The following GAD2 variants were observed in gnomAD, a reference collection of about 807,000 sequenced individuals.
GAD2 encodes 65 kDa glutamic acid decarboxylase.
Under a neutral mutation model 80.1 loss-of-function variants are expected in GAD2, and 22 were observed. That is an observed-to-expected ratio of 0.27 (90% CI 0.20 to 0.39). GAD2 has a LOEUF of 0.39. GAD2 is among the 10% of genes least tolerant of loss of function. The probability of loss-of-function intolerance (pLI) is 1.00; values close to 1 mark genes in which losing one functional copy is unlikely to be tolerated. For synonymous variants in GAD2, 274 were observed against 256.9 expected (o/e 1.07, Z -0.64); for missense variants, 624 against 738.4 (o/e 0.85, Z 1.80).
chr10:26,260,245 A>G (rs1844993581), intron 8 of GAD2, among the ~76,000 whole-genome samples: 2 of 152,364 alleles, frequency 1.3e-5, no homozygotes, highest in South Asian at 4.1e-4. Context: ...GTTGTTAAAC[A>G]TTAAGTTGCT....
chr10:26,224,803 T>C (rs1399285532), intron 6 of GAD2, 152 bp downstream of exon 6: 2 of 611,156 alleles, frequency 3.3e-6, no homozygotes, highest in South Asian at 4.1e-5. Flanking sequence ...TAAGTGCACA[T>C]GACCATTGAA....
intron 8 of GAD2, among the ~76,000 whole-genome samples, chr10:26,268,907 C>T (rs1006855475): frequency 1.1e-4 from 16 of 152,176 alleles, no homozygotes; most frequent in African/African-American, 2.2e-4. Flanking sequence ...CAACACAATA[C>T]GGTCACAAGT....
In GAD2 at chr10:26,224,695, G is replaced by A. The variant is rs562833196; in HGVS notation, c.724+44G>A. Reference sequence around the variant, plus strand: ...TTCTTTGTGTTTTTTCTTCTAATATGCAATGCCTTGTTGTAAACCTAGGGA... The same window carrying A: ...TTCTTTGTGTTTTTTCTTCTAATATACAATGCCTTGTTGTAAACCTAGGGA... On this transcript the variant is annotated intron_variant, in intron 6 of 15. Coordinates refer to ENST00000376261, the MANE Select transcript of GAD2 (RefSeq NM_001134366.2). 5.1e-6 allele frequency: 7 copies of A among 1,363,108 alleles called. No homozygotes were observed. The South Asian group carries it at 7.0e-5, about 14-fold the overall frequency. 84.4% of individuals were successfully genotyped at this position (1,363,108 alleles called of 1,614,324 possible).
chr10:26,247,613 C>T (rs1011266333), intron 8 of GAD2, among the ~76,000 whole-genome samples: 9 of 151,894 alleles, frequency 5.9e-5, no homozygotes, highest in Admixed American at 2.0e-4. Flanking sequence ...TCTAAAAATC[C>T]GGCTGGGGGC....
intron 15 of GAD2, among the ~76,000 whole-genome samples, chr10:26,298,561 G>A (rs1465688779): frequency 2.0e-5 from 3 of 152,194 alleles, no homozygotes; most frequent in Non-Finnish European, 2.9e-5. Context: ...AAAAGCTAGA[G>A]ATGATTGTCC....
At chr10:26,254,805 C>G (rs572905290) in intron 8 of GAD2, among the ~76,000 whole-genome samples, 5 of 152,188 alleles carry the variant, frequency 3.3e-5, no homozygotes, top group African/African-American at 1.2e-4. Flanking sequence ...AGCGGGCCGA[C>G]CAGATGCAGA....
chr10:26,292,476 G>A lies in GAD2; in HGVS notation c.1398G>A (p.Gly466=), dbSNP rs754314778. 6.2e-7 allele frequency: 1 copy of A among 1,613,816 alleles called. No homozygotes were observed. Among genetic ancestry groups the A allele is most frequent in the East Asian group, 2.2e-5 (1 of 44,860 alleles). ...CTTCTCTTACCTAGGGGACTACCGG[G>A]TTTGAAGCGCATGTTGATAAATGTT... ...WLMWRAKGTT[G]FEAHVDKCLE... Residue 466 remains glycine, a synonymous_variant, in exon 14 of 16, where the codon GGG becomes GGA. Transcript: ENST00000376261.
intron 10 of GAD2, among the ~76,000 whole-genome samples, chr10:26,271,283 G>A (rs533885260): frequency 5.9e-5 from 9 of 152,284 alleles, no homozygotes; most frequent in African/African-American, 2.2e-4. Flanking sequence ...AGCTTGGTCA[G>A]CTAAGAAGAT....
At chr10:26,291,900 G>A (rs1046063121) in intron 13 of GAD2, among the ~76,000 whole-genome samples, 7 of 152,144 alleles carry the variant, frequency 4.6e-5, no homozygotes, top group African/African-American at 1.7e-4. Flanking sequence ...GCCCCCAAAG[G>A]AGAACTGTAC....
chr10:26,256,829 C>T (rs2132295829), intron 8 of GAD2, among the ~76,000 whole-genome samples: 1 of 152,326 alleles, frequency 6.6e-6, no homozygotes, highest in South Asian at 2.1e-4. Flanking sequence ...TAATAAGTAT[C>T]TTGCAGGGGA....
At position 26,293,172 on chromosome 10, in the gene GAD2, C is replaced by CTTTTTTT. The variant is rs987030977; in HGVS notation, c.1584+198_1584+204dup. ...CCTGATATATGCAGACATTTTTCTT[C>CTTTTTTT]TTTTTTTTTTTTTTTTTTTTTTTGA... On this transcript the variant is annotated intron_variant, in intron 15 of 15. Coordinates refer to ENST00000376261, the MANE Select transcript of GAD2 (RefSeq NM_001134366.2). Among the ~76,000 whole-genome samples, 59 of 96,428 alleles carry CTTTTTTT rather than the reference C, an allele frequency of 6.1e-4. 1 individual carries two copies. The highest frequency in any genetic ancestry group is 1.9e-3 in the African/African-American group (45 of 23,832). 63.3% of individuals were successfully genotyped at this position (96,428 alleles called of 152,430 possible).
At chr10:26,287,657 G>A (rs2132316796) in intron 13 of GAD2, among the ~76,000 whole-genome samples, 1 of 152,286 alleles carries the variant, frequency 6.6e-6, no homozygotes, top group Non-Finnish European at 1.5e-5. Context: ...CTTTGAGCAA[G>A]GTTGCCATTT....
intron 6 of GAD2, among the ~76,000 whole-genome samples, chr10:26,226,750 A>G (rs549078475): frequency 5.8e-4 from 88 of 152,244 alleles, no homozygotes; most frequent in Non-Finnish European, 6.2e-4. Context: ...TCATAGCTCC[A>G]TCAATAATAT....
intron 9 of GAD2, among the ~76,000 whole-genome samples, chr10:26,269,509 A>G (rs1337335426): frequency 1.3e-5 from 2 of 152,254 alleles, no homozygotes; most frequent in Non-Finnish European, 2.9e-5. Flanking sequence ...CTAATGCAGT[A>G]TGTGAGAGAC....
intron 7 of GAD2, among the ~76,000 whole-genome samples, chr10:26,231,303 C>G (rs556297643): frequency 6.6e-6 from 1 of 152,198 alleles, no homozygotes; most frequent in South Asian, 2.1e-4. Flanking sequence ...GGTCTCAGAT[C>G]CAGATCCACC....
rs967850001 is a variant in GAD2, at chr10:26,302,865, A to T, written c.*1904A>T. The T allele has an allele frequency of 2.2e-4, 34 of 152,212 alleles. 1 individual carries two copies. Among genetic ancestry groups the T allele is most frequent in the African/African-American group, 8.0e-4 (33 of 41,454 alleles). The allele number at this position is 152,212 out of a possible 1,614,324, so 9.4% of individuals were successfully genotyped here. Reference sequence around the variant, plus strand: ...TAAACTCTTTCATCTGTCCCGCAGAATTTCATGAAGGAGTAACCTTCCATT... The same window carrying T: ...TAAACTCTTTCATCTGTCCCGCAGATTTTCATGAAGGAGTAACCTTCCATT... On this transcript the variant is annotated 3_prime_UTR_variant, in exon 16 of 16. Coordinates refer to ENST00000376261, the MANE Select transcript of GAD2 (RefSeq NM_001134366.2).
intron 6 of GAD2, among the ~76,000 whole-genome samples, chr10:26,227,980 A>C (rs1009898934): frequency 6.6e-6 from 1 of 152,216 alleles, no homozygotes; most frequent in Non-Finnish European, 1.5e-5. Flanking sequence ...GCCTGCTTGA[A>C]TCAGAGCCCA....
At chr10:26,282,281 G>A (rs999681670) in intron 12 of GAD2, among the ~76,000 whole-genome samples, 1 of 152,096 alleles carries the variant, frequency 6.6e-6, no homozygotes, top group Non-Finnish European at 1.5e-5. Context: ...ATTTTGCTTT[G>A]TTCCTAGTTA....
intron 12 of GAD2, among the ~76,000 whole-genome samples, chr10:26,282,596 T>C (rs953743547): frequency 6.6e-6 from 1 of 152,192 alleles, no homozygotes; most frequent in Non-Finnish European, 1.5e-5. Flanking sequence ...TTCTATCACA[T>C]AATTCAATGA....
Sources: allele counts gnomAD v4.1 joint callset (sites outside exome capture counted in the v4.1 genomes callset), GRCh38; gene constraint gnomAD v4.1.1; transcripts MANE v1.5; gene names NCBI Gene and HGNC (gene_info 2026-07-23, HGNC 2026-07-21).